The following MED26 variants were observed in gnomAD, a reference collection of about 807,000 sequenced individuals.
MED26 encodes the protein mediator complex subunit 26.
MED26 carries 7 observed loss-of-function variants against 43.7 expected under a neutral mutation model. The observed-to-expected ratio is 0.16, with a 90% confidence interval of 0.09 to 0.30. The LOEUF (loss-of-function observed/expected upper bound fraction) is 0.30, where lower values mean the gene tolerates loss of function less well. Ranked by LOEUF, MED26 falls within the 10% of genes least tolerant of loss-of-function variation. The pLI, the probability that MED26 is intolerant of heterozygous loss-of-function variation, is 1.00. For synonymous variants in MED26, 375 were observed against 371.1 expected (o/e 1.01, Z -0.12); for missense variants, 784 against 840.6 (o/e 0.93, Z 0.83).
At chr19:16,585,888 G>A (rs999334817) in intron 1 of MED26, among the ~76,000 whole-genome samples, 12 of 152,198 alleles carry the variant, frequency 7.9e-5, no homozygotes, top group Non-Finnish European at 1.5e-4. Flanking sequence ...GAGTGGACCC[G>A]CTACTGGCCA....
At chr19:16,590,893 A>G (rs950444081) in intron 1 of MED26, among the ~76,000 whole-genome samples, 1 of 151,348 alleles carries the variant, frequency 6.6e-6, no homozygotes, top group Non-Finnish European at 1.5e-5. Flanking sequence ...CAAAAAAATT[A>G]GCCAGGCGTG....
intron 1 of MED26, 143 bp from the exon 2 acceptor site, chr19:16,578,552 T>C (rs1430287102): frequency 5.7e-6 from 4 of 699,254 alleles, no homozygotes; most frequent in Non-Finnish European, 9.6e-6. Flanking sequence ...CCATGTCGTC[T>C]CCTACCTGCT....
At position 16,627,977 on chromosome 19, in the gene MED26, A is replaced by G. The variant is rs1568293872; in HGVS notation, c.-34T>C. ...CGAGGCGGGGGGTTGCGGCCGGGCCAGCGGGCGGGCGGGCTGAGGCGGGGG... is the reference window on the plus strand; with the variant it reads ...CGAGGCGGGGGGTTGCGGCCGGGCCGGCGGGCGGGCGGGCTGAGGCGGGGG... On this transcript the variant is annotated 5_prime_UTR_variant, in exon 1 of 3. Coordinates refer to ENST00000263390, the MANE Select transcript of MED26 (RefSeq NM_004831.5). 1.4e-6 allele frequency: 2 copies of G among 1,393,412 alleles called. No homozygotes were observed. The highest frequency in any genetic ancestry group is 2.5e-5 in the Admixed American group (1 of 39,806). 86.3% of individuals were successfully genotyped at this position (1,393,412 alleles called of 1,614,324 possible).
intron 1 of MED26, among the ~76,000 whole-genome samples, chr19:16,584,693 A>C (rs1447962350): frequency 2.0e-5 from 3 of 152,188 alleles, no homozygotes; most frequent in Non-Finnish European, 2.9e-5. Context: ...GAAATAATAC[A>C]ATCTGGAATT....
At chr19:16,578,828 C>T (rs12461030) in intron 1 of MED26, 4,212 of 171,694 alleles carry the variant, frequency 0.025, 158 homozygotes, top group Admixed American at 0.085. Context: ...ACAGGCCAGG[C>T]GCGGTGGCTG....
chr19:16,577,570 G>A lies in MED26; in HGVS notation c.260C>T (p.Ala87Val). ...CCGCAGCGCCGCCTCATGCTGGTGT[G>A]CCGGCTCGATGAGCTTCTGCCAGCT... The part of the protein sequence containing the change: ...LRSWQKLIEP[A>V]HQHEAALRGL... Residue 87 changes from alanine (A) to valine (V), a missense_variant, in exon 3 of 3, where the codon GCA (alanine) becomes GTA (valine). Ala to Val is a moderately conservative substitution (Grantham distance 64). Transcript: ENST00000263390. The surrounding 1 kb of genome is among the most constrained non-coding windows in gnomAD (Gnocchi z 8.1). The A allele has an allele frequency of 6.2e-7, 1 of 1,609,748 alleles. No homozygotes were observed. Among genetic ancestry groups the A allele is most frequent in the Non-Finnish European group, 8.5e-7 (1 of 1,177,084 alleles).
intron 1 of MED26, among the ~76,000 whole-genome samples, chr19:16,612,989 C>G (rs574764454): frequency 5.9e-4 from 90 of 152,184 alleles, no homozygotes; most frequent in African/African-American, 2.0e-3. Context: ...TGTAATACCC[C>G]CTAGCTCCTG....
At chr19:16,590,622 C>T (rs904196907) in intron 1 of MED26, among the ~76,000 whole-genome samples, 1 of 152,208 alleles carries the variant, frequency 6.6e-6, no homozygotes, top group Non-Finnish European at 1.5e-5. Flanking sequence ...GCTTTAATTT[C>T]AGCTCCCTTT....
intron 1 of MED26, among the ~76,000 whole-genome samples, chr19:16,605,853 C>G (rs2086170291): frequency 6.6e-6 from 1 of 152,228 alleles, no homozygotes; most frequent in African/African-American, 2.4e-5. Flanking sequence ...GCTGAGGCTG[C>G]ATGGCACCCT....
intron 1 of MED26, among the ~76,000 whole-genome samples, chr19:16,623,683 C>T (rs973422429): frequency 6.6e-6 from 1 of 152,120 alleles, no homozygotes; most frequent in Non-Finnish European, 1.5e-5. Flanking sequence ...TTGTAGGGGA[C>T]GTTACAGGAT....
At chr19:16,607,518 T>G (rs1307221056) in intron 1 of MED26, among the ~76,000 whole-genome samples, 1 of 151,868 alleles carries the variant, frequency 6.6e-6, no homozygotes, top group African/African-American at 2.4e-5. Context: ...CTAAAAGCCA[T>G]GAAGAAAATA....
chr19:16,575,805 C>A lies in MED26; in HGVS notation c.*222G>T. The stretch of plus-strand genomic sequence containing the variant: ...CCGTCCTTCCTTCCACGCGGTCCTT[C>A]TTCGCAATTTTGTTAGTAAACTGGT... On this transcript the variant is annotated 3_prime_UTR_variant, in exon 3 of 3. Coordinates refer to ENST00000263390, the MANE Select transcript of MED26 (RefSeq NM_004831.5). 1.8e-6 allele frequency: 1 copy of A among 570,104 alleles called. No individual in the cohort carries two copies. The highest frequency in any genetic ancestry group is 3.1e-6 in the Non-Finnish European group (1 of 319,326). 35.3% of individuals were successfully genotyped at this position (570,104 alleles called of 1,614,324 possible).
At chr19:16,627,842 T>G in intron 1 of MED26, 30 bp downstream of exon 1, 5 of 1,458,132 alleles carry the variant, frequency 3.4e-6, no homozygotes, top group Non-Finnish European at 3.7e-6. Context: ...CCATGCGGCC[T>G]CCGTCCCAGC....
chr19:16,592,302 C>T (rs754118230), intron 1 of MED26, among the ~76,000 whole-genome samples: 3 of 152,212 alleles, frequency 2.0e-5, no homozygotes, highest in Non-Finnish European at 4.4e-5. Context: ...GAGTCCATAC[C>T]ACGACCCCAC....
chr19:16,605,958 C>A (rs991977932), intron 1 of MED26, among the ~76,000 whole-genome samples: 1 of 152,254 alleles, frequency 6.6e-6, no homozygotes, highest in Non-Finnish European at 1.5e-5. Context: ...GATATTCGTG[C>A]ATGGCAAATC....
At chr19:16,578,296 C>A in intron 2 of MED26, 39 bp downstream of exon 2, 1 of 1,587,802 alleles carries the variant, frequency 6.3e-7, no homozygotes, top group Non-Finnish European at 8.7e-7. Flanking sequence ...CCCTGCCCCC[C>A]GTTCTGCCCT....
At chr19:16,625,977 T>C (rs778538397) in intron 1 of MED26, among the ~76,000 whole-genome samples, 2 of 152,198 alleles carry the variant, frequency 1.3e-5, no homozygotes, top group Non-Finnish European at 2.9e-5. Flanking sequence ...GCAAATTCCA[T>C]GCCAGCTAAC....
At position 16,576,119 on chromosome 19, in the gene MED26, C is replaced by T; in HGVS notation, c.1711G>A (p.Gly571Ser). The change falls in exon 3 of 3, where the codon GGT becomes AGT. Residue 571 changes from glycine (G) to serine (S), a missense_variant. By Grantham distance (56) the Gly-to-Ser change is moderately conservative. Around this residue, in one of 3 missense-constraint regions of MED26, gnomAD observed 719 missense variants for 730.9 expected, o/e 0.98. Coordinates refer to ENST00000263390, the MANE Select transcript of MED26 (RefSeq NM_004831.5). This position sits in a 1 kb window ranked among gnomAD's most constrained non-coding sequence, Gnocchi z 6.8. The part of the protein sequence containing the change: ...PGVNGCQDTQ[G>S]NWYDWTQCIS... ...CACTGCGTCCAGTCATACCAGTTAC[C>T]CTGTGTGTCCTGACACCCGTTCACC... 6.2e-7 allele frequency: 1 copy of T among 1,614,038 alleles called. No homozygotes were observed. Among genetic ancestry groups the T allele is most frequent in the Non-Finnish European group, 8.5e-7 (1 of 1,180,038 alleles).
intron 1 of MED26, among the ~76,000 whole-genome samples, chr19:16,604,158 G>T (rs973023243): frequency 6.6e-6 from 1 of 152,234 alleles, no homozygotes; most frequent in African/African-American, 2.4e-5. Flanking sequence ...AGACCCATGT[G>T]TAACCAAGCA....
Sources: gnomAD v4.1 joint callset for allele counts (sites outside exome capture counted in the v4.1 genomes callset) on GRCh38, gnomAD v4.1.1 for gene constraint, gnomAD v4.1.1 regional missense constraint, Gnocchi (gnomAD v3.1) non-coding constraint, MANE v1.5 for transcripts, NCBI Gene and HGNC (gene_info 2026-07-23, HGNC 2026-07-21) for gene names.